Variants in ASPRV1 observed in about 807,000 individuals in gnomAD.
ASPRV1 encodes aspartic peptidase retroviral like 1.
In ASPRV1, 7 loss-of-function variants were observed where a neutral mutation model predicts 11.0. The observed-to-expected ratio is 0.64, with a 90% CI of 0.36 to 1.20. The LOEUF is 1.20. ASPRV1 is among the 50% of genes most tolerant of loss of function. ASPRV1 has a pLI of 0.02. For synonymous variants in ASPRV1, 136 were observed against 138.4 expected, an observed-to-expected ratio of 0.98 and a Z score of 0.12; for missense variants, 299 against 320.0, an observed-to-expected ratio of 0.93 and a Z score of 0.50.
chr2:70,066,107 G>A, the ASPRV1 span, among the ~76,000 whole-genome samples: 1 of 151,942 alleles, frequency 6.6e-6, no homozygotes. Context: ...ACTTTGGGAG[G>A]CTGAGGCAGG....
At chr2:69,999,991 G>A in the ASPRV1 span, among the ~76,000 whole-genome samples, 1 of 152,022 alleles carries the variant, frequency 6.6e-6, no homozygotes, top group Non-Finnish European at 1.5e-5. Flanking sequence ...CCCCACCTTC[G>A]GCCTCATCCT....
chr2:70,006,125 GCA>G, the ASPRV1 span, among the ~76,000 whole-genome samples: 1 of 152,112 alleles, frequency 6.6e-6, no homozygotes, highest in Non-Finnish European at 1.5e-5. Flanking sequence ...GCCCATGTGC[GCA>G]CACACACATA....
At chr2:69,962,223 C>A (rs1008229338), upstream of ASPRV1, 1 of 168,410 alleles carries the variant, frequency 5.9e-6, no homozygotes, top group African/African-American at 2.4e-5. Context: ...CACACACACA[C>A]ACACACACGT....
At chr2:69,973,804 G>C in the ASPRV1 span, among the ~76,000 whole-genome samples, 1 of 152,188 alleles carries the variant, frequency 6.6e-6, no homozygotes, top group Non-Finnish European at 1.5e-5. Context: ...TGCATTATTA[G>C]CATTTTCTCC....
chr2:69,992,528 T>A, the ASPRV1 span, among the ~76,000 whole-genome samples: 1 of 152,232 alleles, frequency 6.6e-6, no homozygotes, highest in Non-Finnish European at 1.5e-5. Context: ...TGCGATTTCA[T>A]CATCAAAATC....
chr2:69,942,133 A>G, the ASPRV1 span: 35 of 152,220 alleles, frequency 2.3e-4, no homozygotes, highest in African/African-American at 8.4e-4. Context: ...AATTTCTTGC[A>G]TGTCAATCTA....
the ASPRV1 span, among the ~76,000 whole-genome samples, chr2:69,948,922 G>A: frequency 0.21 from 31,141 of 151,810 alleles, 3,579 homozygotes; most frequent in East Asian, 0.32. Flanking sequence ...GACACCTGGG[G>A]GCCCCCACTT....
chr2:70,006,559 A>G, the ASPRV1 span, among the ~76,000 whole-genome samples: 1 of 152,136 alleles, frequency 6.6e-6, no homozygotes, highest in African/African-American at 2.4e-5. Flanking sequence ...AGGGCATAAG[A>G]GGACACCAAG....
chr2:70,077,562 A>G, the ASPRV1 span, among the ~76,000 whole-genome samples: 1 of 152,242 alleles, frequency 6.6e-6, no homozygotes, highest in East Asian at 1.9e-4. Context: ...TACTTTAAAC[A>G]GAAACTGTCA....
At chr2:70,054,515 T>C in the ASPRV1 span, among the ~76,000 whole-genome samples, 1 of 151,542 alleles carries the variant, frequency 6.6e-6, no homozygotes, top group East Asian at 1.9e-4. Context: ...AGGCGGAGTT[T>C]GCAGTGAGCC....
chr2:70,043,440 T>A, the ASPRV1 span, among the ~76,000 whole-genome samples: 1 of 152,108 alleles, frequency 6.6e-6, no homozygotes, highest in Non-Finnish European at 1.5e-5. Context: ...AAAAAAGTTG[T>A]ATGTCTTAAT....
chr2:70,082,149 G>A, the ASPRV1 span, among the ~76,000 whole-genome samples: 6 of 151,950 alleles, frequency 3.9e-5, no homozygotes, highest in Non-Finnish European at 7.4e-5. Context: ...TAATTTGTGT[G>A]TGTGTGTGTA....
the ASPRV1 span, among the ~76,000 whole-genome samples, chr2:70,065,022 G>C: frequency 1.3e-5 from 2 of 151,992 alleles, no homozygotes; most frequent in Non-Finnish European, 2.9e-5. Flanking sequence ...TTGAACCCAG[G>C]AGACAGACAT....
the ASPRV1 span, among the ~76,000 whole-genome samples, chr2:70,017,753 C>T: frequency 2.0e-5 from 3 of 152,096 alleles, no homozygotes; most frequent in South Asian, 2.1e-4. Context: ...GAAACAAAAT[C>T]AACATGCAAA....
chr2:69,996,209 T>C, the ASPRV1 span, among the ~76,000 whole-genome samples: 1 of 87,870 alleles, frequency 1.1e-5, no homozygotes, highest in Non-Finnish European at 2.1e-5. Context: ...GAGACCCCCA[T>C]CTCTCAAAAA....
At chr2:69,940,169 T>C in the ASPRV1 span, 1 of 151,994 alleles carries the variant, frequency 6.6e-6, no homozygotes, top group African/African-American at 2.4e-5. Context: ...TTTTTTTAAT[T>C]TTTGGAATCT....
At chr2:70,008,094 C>A in the ASPRV1 span, among the ~76,000 whole-genome samples, 1 of 152,056 alleles carries the variant, frequency 6.6e-6, no homozygotes, top group Non-Finnish European at 1.5e-5. Flanking sequence ...CCTCAGCCTC[C>A]CAAAGTACTG....
downstream of ASPRV1, among the ~76,000 whole-genome samples, chr2:69,955,222 C>CA (rs1472526589): frequency 6.6e-6 from 1 of 151,894 alleles, no homozygotes; most frequent in Non-Finnish European, 1.5e-5. Context: ...CAGACCAGGT[C>CA]ACCTCCCTGG....
the ASPRV1 span, among the ~76,000 whole-genome samples, chr2:70,013,346 G>GA: frequency 0.062 from 9,412 of 152,142 alleles, 460 homozygotes; most frequent in East Asian, 0.23. Flanking sequence ...ACATAACAAA[G>GA]AAGAGTATCC....
Sources: gnomAD v4.1 joint callset for allele counts (sites outside exome capture counted in the v4.1 genomes callset) on GRCh38, gnomAD v4.1.1 for gene constraint, MANE v1.5 for transcripts, NCBI Gene and HGNC (gene_info 2026-07-23, HGNC 2026-07-21) for gene names.